Variants in CFAP47 observed in about 807,000 individuals in gnomAD.
CFAP47 encodes the protein cilia and flagella associated protein 47, also known as cilia- and flagella-associated protein 47.
A neutral mutation model predicts 148.1 loss-of-function variants in CFAP47; 29 were observed. The ratio of observed to expected loss-of-function variants is 0.20; its 90% CI spans 0.15 to 0.27. The LOEUF (loss-of-function observed/expected upper bound fraction) is 0.27. CFAP47 is among the 10% of genes least tolerant of loss of function. CFAP47 has a pLI of 1.00. For missense variants in CFAP47, 1,872 were observed against 1,697.5 expected (o/e 1.10, Z -1.81); for synonymous variants, 664 against 577.3 (o/e 1.15, Z -2.15).
intron 45 of CFAP47, among the ~76,000 whole-genome samples, chrX:36,210,709 A>G: frequency 8.9e-6 from 1 of 111,826 alleles, no homozygotes; most frequent in South Asian, 3.7e-4. Context: ...TTTTATTTCA[A>G]TGAAGTCCAG....
At chrX:36,287,057 CT>C (rs1490330905) in intron 51 of CFAP47, among the ~76,000 whole-genome samples, 3 of 110,772 alleles carry the variant, frequency 2.7e-5, no homozygotes, top group Non-Finnish European at 5.7e-5. Flanking sequence ...CATCAGGGTA[CT>C]TTATGTGCAT....
At chrX:36,269,389 C>A (rs897096003) in intron 49 of CFAP47, among the ~76,000 whole-genome samples, 2 of 111,899 alleles carry the variant, frequency 1.8e-5, no homozygotes, top group African/African-American at 6.5e-5. Context: ...CAAACAAACA[C>A]AGGTGATAGA....
intron 33 of CFAP47, among the ~76,000 whole-genome samples, chrX:36,116,405 T>C (rs1382332468): frequency 8.9e-6 from 1 of 112,275 alleles, no homozygotes; most frequent in Non-Finnish European, 1.9e-5. Flanking sequence ...TCATTCTTTT[T>C]ATTGCTGGGT....
intron 51 of CFAP47, among the ~76,000 whole-genome samples, chrX:36,291,790 A>C (rs2146951565): frequency 9.0e-6 from 1 of 111,237 alleles, no homozygotes; most frequent in Non-Finnish European, 1.9e-5. Context: ...ATGGTCATTC[A>C]GAGTTAGCAT....
chrX:36,082,032 C>A (rs1296217734), intron 29 of CFAP47, among the ~76,000 whole-genome samples: 1 of 111,716 alleles, frequency 9.0e-6, no homozygotes, highest in African/African-American at 3.2e-5. Context: ...TAAAAGAAGT[C>A]TTACTTCTGT....
chrX:36,172,335 G>A (rs1267000654), intron 39 of CFAP47, among the ~76,000 whole-genome samples: 2 of 107,092 alleles, frequency 1.9e-5, no homozygotes, highest in Non-Finnish European at 3.9e-5. Context: ...CCAACACTAT[G>A]TTGAATAGGA....
At chrX:36,383,353 C>T (rs1332791813) in intron 63 of CFAP47, among the ~76,000 whole-genome samples, 1 of 111,746 alleles carries the variant, frequency 8.9e-6, no homozygotes, top group Non-Finnish European at 1.9e-5. Flanking sequence ...CTCATGTATA[C>T]CCACTAAATG....
chrX:36,209,595 A>G (rs1555989215), intron 45 of CFAP47, among the ~76,000 whole-genome samples: 1 of 111,048 alleles, frequency 9.0e-6, no homozygotes, highest in Non-Finnish European at 1.9e-5. Flanking sequence ...ATTATAGTCT[A>G]TCTTCCTAGA....
chrX:35,960,718 G>T (rs1025844764), intron 8 of CFAP47, among the ~76,000 whole-genome samples: 1 of 111,580 alleles, frequency 9.0e-6, no homozygotes, highest in African/African-American at 3.3e-5. Flanking sequence ...TATTGACCTT[G>T]TATTCTGCAA....
At chrX:36,308,613 TTCTAAG>T (rs1429167084) in intron 55 of CFAP47, among the ~76,000 whole-genome samples, 1 of 111,386 alleles carries the variant, frequency 9.0e-6, no homozygotes, top group Non-Finnish European at 1.9e-5. Context: ...GAGTTTATTT[TTCTAAG>T]TCTGAGTTTG....
intron 33 of CFAP47, among the ~76,000 whole-genome samples, chrX:36,129,157 T>G (rs768937317): frequency 9.0e-6 from 1 of 110,975 alleles, no homozygotes; most frequent in African/African-American, 3.2e-5. Flanking sequence ...TATTTTCTGT[T>G]TTTCCTTGAA....
intron 3 of CFAP47, among the ~76,000 whole-genome samples, chrX:35,943,796 C>A (rs1015982890): frequency 9.0e-6 from 1 of 111,313 alleles, no homozygotes. Flanking sequence ...TTAATGTGAG[C>A]ATACTTATTT....
chrX:36,038,420 C>T (rs767205619), intron 24 of CFAP47, among the ~76,000 whole-genome samples: 1 of 112,490 alleles, frequency 8.9e-6, no homozygotes, highest in Non-Finnish European at 1.9e-5. Context: ...TTGAGCCCTG[C>T]TCTCTAACAC....
At chrX:36,246,466 T>G (rs782096020) in intron 48 of CFAP47, among the ~76,000 whole-genome samples, 2 of 111,757 alleles carry the variant, frequency 1.8e-5, no homozygotes, top group Non-Finnish European at 3.8e-5. Context: ...TTGAGAGGCC[T>G]CAGGAAGCTT....
At chrX:36,021,271 T>C (rs1379992342) in intron 22 of CFAP47, among the ~76,000 whole-genome samples, 1 of 110,345 alleles carries the variant, frequency 9.1e-6, no homozygotes, top group Non-Finnish European at 1.9e-5. Context: ...ATAGTTACAG[T>C]GCTATAATAT....
chrX:36,174,787 G>A (rs1281219702), intron 39 of CFAP47, among the ~76,000 whole-genome samples: 1 of 109,851 alleles, frequency 9.1e-6, no homozygotes, highest in Non-Finnish European at 1.9e-5. Flanking sequence ...TCTTGGAGTT[G>A]CTCTTCTCGA....
intron 26 of CFAP47, among the ~76,000 whole-genome samples, chrX:36,063,922 T>A (rs1368702418): frequency 8.9e-6 from 1 of 112,266 alleles, no homozygotes; most frequent in African/African-American, 3.2e-5. Context: ...ATTGGGGTGA[T>A]GGAGCTGAGA....
At chrX:36,187,955 C>T (rs782267656) in intron 40 of CFAP47, among the ~76,000 whole-genome samples, 2 of 111,497 alleles carry the variant, frequency 1.8e-5, no homozygotes, top group South Asian at 3.7e-4. Flanking sequence ...AAAAAAATCA[C>T]GTAATCAATA....
intron 20 of CFAP47, among the ~76,000 whole-genome samples, chrX:36,000,777 C>A (rs186268389): frequency 2.8e-3 from 315 of 111,560 alleles, no homozygotes; most frequent in Non-Finnish European, 5.2e-3. Flanking sequence ...CTTTGGGGAG[C>A]TATCTCTATA....
Sources: gnomAD v4.1 joint callset for allele counts (sites outside exome capture counted in the v4.1 genomes callset) on GRCh38, gnomAD v4.1.1 for gene constraint, MANE v1.5 for transcripts, NCBI Gene and HGNC (gene_info 2026-07-23, HGNC 2026-07-21) for gene names.